HS3ST5: variants seen among roughly 807,000 people sequenced by gnomAD.
The protein encoded by HS3ST5 is heparan sulfate glucosamine 3-O-sulfotransferase 5.
A neutral mutation model predicts 25.4 loss-of-function variants in HS3ST5; 10 were observed. That is an observed-to-expected ratio of 0.39 (90% CI 0.24 to 0.67). The LOEUF is 0.67. HS3ST5 is among the 30% of genes least tolerant of loss of function. The pLI is 0.44. For missense variants in HS3ST5, 324 were observed against 420.7 expected (o/e 0.77, Z 2.01); for synonymous variants, 170 against 162.4 (o/e 1.05, Z -0.36).
intron 3 of HS3ST5, among the ~76,000 whole-genome samples, chr6:114,079,269 G>A (rs1309257707): frequency 6.6e-6 from 1 of 152,200 alleles, no homozygotes; most frequent in African/African-American, 2.4e-5. Context: ...TTTAACCACA[G>A]TAGAATTTAT....
In HS3ST5 at chr6:114,057,425, C is replaced by A; in HGVS notation, c.873G>T (p.Gly291=). 1 of 1,614,156 alleles carries A rather than the reference C, an allele frequency of 6.2e-7. No individual in the cohort carries two copies. The highest frequency in any genetic ancestry group is 8.5e-7 in the Non-Finnish European group (1 of 1,180,040). The change falls in exon 5 of 5, where the codon GGG becomes GGT. Residue 291 remains glycine, a synonymous_variant. Coordinates refer to ENST00000312719, the MANE Select transcript of HS3ST5 (RefSeq NM_153612.4). The part of the protein sequence containing the change: ...QYNLYFNATR[G]FYCLRFNIIF... ...TAATATTAAACCGCAAGCAGTAAAA[C>A]CCTCTGGTAGCATTGAAGTATAAAT... is the stretch of plus-strand genomic sequence containing the variant.
intron 2 of HS3ST5, among the ~76,000 whole-genome samples, chr6:114,194,745 G>A (rs1460502719): frequency 6.6e-6 from 1 of 152,156 alleles, no homozygotes; most frequent in Non-Finnish European, 1.5e-5. Flanking sequence ...CCATGGAGAG[G>A]CATGAAGCTC....
intron 1 of HS3ST5, among the ~76,000 whole-genome samples, chr6:114,286,725 A>AT (rs1201012380): frequency 6.6e-6 from 1 of 151,804 alleles, no homozygotes; most frequent in Non-Finnish European, 1.5e-5. Context: ...TGCTTTTCTC[A>AT]TTTTCTTGTG....
chr6:114,146,007 GCTAA>G (rs1158071695), intron 3 of HS3ST5, among the ~76,000 whole-genome samples: 1 of 152,102 alleles, frequency 6.6e-6, no homozygotes, highest in Non-Finnish European at 1.5e-5. Context: ...CTGGAGACTG[GCTAA>G]CTAAATGGGT....
At chr6:114,286,747 A>G (rs1344145709) in intron 1 of HS3ST5, among the ~76,000 whole-genome samples, 1 of 151,950 alleles carries the variant, frequency 6.6e-6, no homozygotes, top group East Asian at 1.9e-4. Context: ...TTCATTTTAC[A>G]TTAGAACGAA....
At chr6:114,319,029 AAAAC>A (rs974848746) in intron 1 of HS3ST5, among the ~76,000 whole-genome samples, 5 of 152,276 alleles carry the variant, frequency 3.3e-5, no homozygotes, top group South Asian at 2.1e-4. Flanking sequence ...AAACAAAACA[AAAAC>A]AAACAGTGGA....
intron 3 of HS3ST5, among the ~76,000 whole-genome samples, chr6:114,074,350 A>G (rs549127326): frequency 5.3e-5 from 8 of 152,130 alleles, no homozygotes; most frequent in African/African-American, 1.9e-4. Context: ...ATAGAAATTG[A>G]CAAATACTAC....
At chr6:114,122,569 A>G (rs1368191456) in intron 3 of HS3ST5, among the ~76,000 whole-genome samples, 2 of 152,210 alleles carry the variant, frequency 1.3e-5, no homozygotes, top group African/African-American at 2.4e-5. Flanking sequence ...TTTTATTTCA[A>G]TGATTTTCCC....
intron 3 of HS3ST5, among the ~76,000 whole-genome samples, chr6:114,115,241 T>C (rs376971977): frequency 3.3e-5 from 5 of 152,264 alleles, no homozygotes; most frequent in East Asian, 3.9e-4. Flanking sequence ...TTTTTTTTAA[T>C]TCTGATTTTC....
At chr6:114,247,449 A>G (rs1404677616) in intron 1 of HS3ST5, among the ~76,000 whole-genome samples, 1 of 152,222 alleles carries the variant, frequency 6.6e-6, no homozygotes, top group Non-Finnish European at 1.5e-5. Flanking sequence ...AAAAAGCAGA[A>G]AATGCATGAA....
At chr6:114,181,384 G>T (rs910454342) in intron 2 of HS3ST5, among the ~76,000 whole-genome samples, 3 of 152,112 alleles carry the variant, frequency 2.0e-5, no homozygotes, top group Admixed American at 6.5e-5. Flanking sequence ...ATTTTCCAAT[G>T]GTCATTACAT....
chr6:114,084,101 TAGA>T, intron 3 of HS3ST5: 1 of 576,338 alleles, frequency 1.7e-6, no homozygotes, highest in Non-Finnish European at 3.1e-6. Flanking sequence ...TTTTTTTTTT[TAGA>T]AACTGATGTT....
At chr6:114,335,801 G>A (rs532079493) in intron 1 of HS3ST5, among the ~76,000 whole-genome samples, 1 of 152,006 alleles carries the variant, frequency 6.6e-6, no homozygotes, top group South Asian at 2.1e-4. Flanking sequence ...ATACAGGCAT[G>A]CACCACCATG....
In HS3ST5 at chr6:114,062,842, G is replaced by A. The variant is rs756774453; in HGVS notation, c.4C>T (p.Leu2=). The part of the protein sequence containing the change: M[L]FKQQAWLRQK... ...CTCAGCCACGCCTGCTGTTTGAATA[G>A]CATGGCCCTCCATCAACCTTCAGGA... is the stretch of plus-strand genomic sequence containing the variant. The change falls in exon 4 of 5, where the codon CTA becomes TTA. Residue 2 remains leucine, a synonymous_variant. Coordinates refer to ENST00000312719, the MANE Select transcript of HS3ST5 (RefSeq NM_153612.4). 1 of 1,613,410 alleles carries A rather than the reference G, an allele frequency of 6.2e-7. No individual in the cohort carries two copies. Among genetic ancestry groups the A allele is most frequent in the Non-Finnish European group, 8.5e-7 (1 of 1,179,388 alleles).
intron 2 of HS3ST5, among the ~76,000 whole-genome samples, chr6:114,180,391 T>A (rs1779919928): frequency 6.6e-6 from 1 of 152,080 alleles, no homozygotes; most frequent in African/African-American, 2.4e-5. Context: ...GCATTTATTT[T>A]CTCATCATTC....
At chr6:114,278,533 AC>A (rs199510577) in intron 1 of HS3ST5, among the ~76,000 whole-genome samples, 1,669 of 152,012 alleles carry the variant, frequency 0.011, 41 homozygotes, top group Non-Finnish European at 0.012. Context: ...AAATACTGAT[AC>A]TTCAGTATTC....
intron 3 of HS3ST5, among the ~76,000 whole-genome samples, chr6:114,151,226 C>A (rs928505340): frequency 6.6e-6 from 1 of 152,164 alleles, no homozygotes; most frequent in Non-Finnish European, 1.5e-5. Flanking sequence ...CTATCCGACA[C>A]CACGTAATAA....
At chr6:114,340,128 G>A (rs1776766207) in intron 1 of HS3ST5, among the ~76,000 whole-genome samples, 1 of 152,050 alleles carries the variant, frequency 6.6e-6, no homozygotes, top group Non-Finnish European at 1.5e-5. Context: ...AAAATGGTGA[G>A]GACAATGATA....
Position 114,168,415 on chromosome 6 carries a change from T to C in HS3ST5, c.-97A>G, listed in dbSNP as rs574046475. Reference sequence around the variant, plus strand: ...TCTTGTTGGCGGGTATTCCATGGCCTCTCCTCACCTACTGGCTGTCCTTTT... The same window carrying C: ...TCTTGTTGGCGGGTATTCCATGGCCCCTCCTCACCTACTGGCTGTCCTTTT... On this transcript the variant is annotated 5_prime_UTR_variant, in exon 3 of 5. Transcript: ENST00000312719. The C allele has an allele frequency of 3.3e-5, 5 of 152,334 alleles. No individual in the cohort carries two copies. The highest frequency in any genetic ancestry group is 9.6e-5 in the African/African-American group (4 of 41,556). 9.4% of individuals were successfully genotyped at this position (152,334 alleles called of 1,614,324 possible).
Sources: gnomAD v4.1 joint callset for allele counts (sites outside exome capture counted in the v4.1 genomes callset) on GRCh38, gnomAD v4.1.1 for gene constraint, MANE v1.5 for transcripts, NCBI Gene and HGNC (gene_info 2026-07-23, HGNC 2026-07-21) for gene names.